STK32B: variants seen among roughly 807,000 people sequenced by gnomAD.
STK32B encodes serine/threonine kinase 32B.
A neutral mutation model predicts 52.6 loss-of-function variants in STK32B; 43 were observed. The ratio of observed to expected loss-of-function variants is 0.82; its 90% CI spans 0.64 to 1.05. The LOEUF (loss-of-function observed/expected upper bound fraction) is 1.05, where lower values mean the gene tolerates loss of function less well. Among genes scored for constraint, STK32B ranks in the 50% least tolerant of loss-of-function variants. The pLI, the probability that STK32B is intolerant of heterozygous loss-of-function variation, is 0.00. For synonymous variants in STK32B, 238 were observed against 204.3 expected (o/e 1.17, Z -1.41); for missense variants, 621 against 534.6 (o/e 1.16, Z -1.59).
chr4:5,394,931 G>A lies in STK32B; in HGVS notation c.435-3276G>A, dbSNP rs75854142. ...TTTCCGTGGCCCAGGAGTCCAGGTG[G>A]GCTTAACTGGATCATCTGCATAGGA... On this transcript the variant is annotated intron_variant, in intron 4 of 11. Coordinates refer to ENST00000282908, the MANE Select transcript of STK32B (RefSeq NM_018401.3). This position sits in a 1 kb window ranked among gnomAD's most constrained non-coding sequence, Gnocchi z 4.2. Among the ~76,000 whole-genome samples the A allele has an allele frequency of 0.024, 3,608 of 152,228 alleles. 113 individuals carry two copies. Among genetic ancestry groups the A allele is most frequent in the East Asian group, 0.083 (430 of 5,176 alleles).
intron 3 of STK32B, among the ~76,000 whole-genome samples, chr4:5,174,445 G>C (rs1030852275): frequency 1.3e-5 from 2 of 151,596 alleles, no homozygotes; most frequent in African/African-American, 4.8e-5. Flanking sequence ...GATACCGGTT[G>C]TTCTTTTCCA....
chr4:5,202,264 C>G (rs1351064793), intron 3 of STK32B, among the ~76,000 whole-genome samples: 12 of 152,262 alleles, frequency 7.9e-5, no homozygotes, highest in African/African-American at 2.7e-4. Flanking sequence ...TCCTTTCACT[C>G]TGTGTCTCAC....
At position 5,470,273 on chromosome 4, in the gene STK32B, T is replaced by C. The variant is rs578161678; in HGVS notation, c.1106+2203T>C. Among the ~76,000 whole-genome samples the C allele has an allele frequency of 3.9e-5, 6 of 152,304 alleles. No homozygotes were observed. The South Asian group carries it at 1.2e-3, about 32-fold the overall frequency. ...TGATGAGGGAAATGCAGTTGGCCTG[T>C]GGACACCCCTGAGATTTGCAGTCAG... On this transcript the variant is annotated intron_variant, in intron 11 of 11. Coordinates refer to ENST00000282908, the MANE Select transcript of STK32B (RefSeq NM_018401.3). The surrounding 1 kb of genome is among the most constrained non-coding windows in gnomAD (Gnocchi z 4.6).
At chr4:5,488,595 C>T (rs1013268250) in intron 11 of STK32B, among the ~76,000 whole-genome samples, 1 of 152,184 alleles carries the variant, frequency 6.6e-6, no homozygotes, top group Non-Finnish European at 1.5e-5. Flanking sequence ...CTGTGACTCA[C>T]ATAGACCATG....
At chr4:5,439,080 T>A (rs1459300136) in intron 6 of STK32B, among the ~76,000 whole-genome samples, 2 of 149,684 alleles carry the variant, frequency 1.3e-5, no homozygotes, top group African/African-American at 4.9e-5. Flanking sequence ...CATGTGTCTT[T>A]ATAGCAGCAT....
upstream of STK32B, chr4:5,051,405 A>G: frequency 5.6e-6 from 1 of 178,834 alleles, no homozygotes. Context: ...TTCCGGGCCG[A>G]TCCCTTTCTC....
At chr4:5,359,240 C>G (rs1734384407) in intron 4 of STK32B, among the ~76,000 whole-genome samples, 1 of 152,088 alleles carries the variant, frequency 6.6e-6, no homozygotes, top group Admixed American at 6.5e-5. Context: ...ACCCATGGAA[C>G]TTGCTGTTCT....
Position 5,069,482 on chromosome 4 carries a change from T to G in STK32B, c.52+17567T>G, listed in dbSNP as rs145101702. Among the ~76,000 whole-genome samples the G allele has an allele frequency of 8.5e-5, 13 of 152,266 alleles. No individual in the cohort carries two copies. The East Asian group carries it at 2.1e-3, about 25-fold the overall frequency. On this transcript the variant is annotated intron_variant, in intron 1 of 11. Coordinates refer to ENST00000282908, the MANE Select transcript of STK32B (RefSeq NM_018401.3). Reference sequence around the variant, plus strand: ...ACCCCTGTCCAGGTCCATCATGGAATCTTTCAGCAGGGATGCTCCTGACAT... The same window carrying G: ...ACCCCTGTCCAGGTCCATCATGGAAGCTTTCAGCAGGGATGCTCCTGACAT...
chr4:5,130,506 G>A (rs558927744), intron 1 of STK32B, among the ~76,000 whole-genome samples: 157 of 152,236 alleles, frequency 1.0e-3, no homozygotes, highest in African/African-American at 3.5e-3. Flanking sequence ...TAATCTCTTG[G>A]CCTTGGACCT....
intron 4 of STK32B, among the ~76,000 whole-genome samples, chr4:5,382,422 C>T (rs988881597): frequency 6.6e-6 from 1 of 152,064 alleles, no homozygotes; most frequent in African/African-American, 2.4e-5. Flanking sequence ...ATAATACAGC[C>T]ACAATGTCGC....
At chr4:5,284,879 C>T (rs1398599567) in intron 3 of STK32B, among the ~76,000 whole-genome samples, 2 of 152,126 alleles carry the variant, frequency 1.3e-5, no homozygotes, top group Non-Finnish European at 2.9e-5. Context: ...ACCATGGACC[C>T]ATACAAAGTG....
chr4:5,170,737 CTT>C, intron 3 of STK32B, among the ~76,000 whole-genome samples: 1 of 152,238 alleles, frequency 6.6e-6, no homozygotes, highest in African/African-American at 2.4e-5. Flanking sequence ...GGTTCCAAGT[CTT>C]TGCTATTGTG....
chr4:5,079,403 A>G (rs1227661267), intron 1 of STK32B, among the ~76,000 whole-genome samples: 2 of 152,172 alleles, frequency 1.3e-5, no homozygotes, highest in Non-Finnish European at 2.9e-5. Context: ...TTATTCATAA[A>G]ATTTATGCCA....
chr4:5,173,693 T>C (rs533332447), intron 3 of STK32B, among the ~76,000 whole-genome samples: 47 of 152,314 alleles, frequency 3.1e-4, no homozygotes, highest in African/African-American at 1.1e-3. Context: ...TTCTGTTCTT[T>C]TACATTTGCT....
At chr4:5,295,405 G>T (rs1471264656) in intron 3 of STK32B, among the ~76,000 whole-genome samples, 6 of 152,042 alleles carry the variant, frequency 3.9e-5, no homozygotes, top group Non-Finnish European at 8.8e-5. Flanking sequence ...TATGGTCCTG[G>T]ACATTTTTTG....
intron 2 of STK32B, among the ~76,000 whole-genome samples, chr4:5,145,002 C>G (rs1442149617): frequency 1.3e-5 from 2 of 152,204 alleles, no homozygotes; most frequent in Non-Finnish European, 2.9e-5. Context: ...GAGGAACACT[C>G]ATAGTTTATG....
chr4:5,119,764 C>T (rs1714924746), intron 1 of STK32B, among the ~76,000 whole-genome samples: 1 of 152,208 alleles, frequency 6.6e-6, no homozygotes, highest in Non-Finnish European at 1.5e-5. Context: ...ATGTGAGCGA[C>T]CTAAATTTCA....
rs1194533294 is a variant in STK32B at position 5,492,686 on chromosome 4, C to T, written c.1107-6259C>T. 7.3e-5 allele frequency among the ~76,000 whole-genome samples: 11 copies of T among 151,020 alleles called. No individual in the cohort carries two copies. In the East Asian group the frequency reaches 2.1e-3, roughly 29 times the overall value. On this transcript the variant is annotated intron_variant, in intron 11 of 11. Coordinates refer to ENST00000282908, the MANE Select transcript of STK32B (RefSeq NM_018401.3). ...AAAGGGAATGCTTCCAGTTTTTGCC[C>T]ATTCAGTATGATATTGGCTGTGGGT...
chr4:5,483,606 T>C (rs950433194), intron 11 of STK32B, among the ~76,000 whole-genome samples: 10 of 152,208 alleles, frequency 6.6e-5, no homozygotes, highest in Admixed American at 1.3e-4. Flanking sequence ...GCTCTGATCT[T>C]AGTTATTTCT....
Sources: allele counts gnomAD v4.1 joint callset (sites outside exome capture counted in the v4.1 genomes callset), GRCh38; gene constraint gnomAD v4.1.1; non-coding constraint Gnocchi (gnomAD v3.1); transcripts MANE v1.5; gene names NCBI Gene and HGNC (gene_info 2026-07-23, HGNC 2026-07-21).